Variants in FAM83F observed in about 807,000 individuals in gnomAD.
FAM83F encodes scaffolding CK1 anchoring protein F, also known as protein FAM83F.
FAM83F carries 45 observed loss-of-function variants against 42.9 expected under a neutral mutation model. The observed-to-expected ratio is 1.05, with a 90% CI of 0.83 to 1.35. FAM83F has a LOEUF of 1.35. Ranked by LOEUF, FAM83F falls within the 40% of genes most tolerant of loss-of-function variation. The probability of loss-of-function intolerance (pLI) is 0.00; values close to 1 mark genes in which losing one functional copy is unlikely to be tolerated. For missense variants in FAM83F, 617 were observed against 695.9 expected (o/e 0.89, Z 1.28); for synonymous variants, 306 against 298.3 (o/e 1.03, Z -0.27).
Position 40,030,694 on chromosome 22 carries a change from G to C in FAM83F, c.*1129G>C, listed in dbSNP as rs944751342. 2 of 152,342 alleles carry C rather than the reference G, an allele frequency of 1.3e-5. No homozygotes were observed. Among genetic ancestry groups the C allele is most frequent in the African/African-American group, 2.4e-5 (1 of 41,462 alleles). The allele number at this position is 152,342 out of a possible 1,614,324, so 9.4% of individuals were successfully genotyped here. A position where few individuals can be genotyped will look rare whatever the true frequency, so the allele number is the denominator to read the frequency against. On this transcript the variant is annotated 3_prime_UTR_variant, in exon 5 of 5. Coordinates refer to ENST00000333407, the MANE Select transcript of FAM83F (RefSeq NM_138435.4). ...CCCACTTGGGTGACTGGAGAGGGCC[G>C]AGGAGAGTTTGTGAATGGACCTGGG...
At position 40,035,628 on chromosome 22, in the gene FAM83F, A is replaced by C. The variant is rs986425683; in HGVS notation, c.*6063A>C. 1 of 152,258 alleles carries C rather than the reference A, an allele frequency of 6.6e-6. No individual in the cohort carries two copies. The highest frequency in any genetic ancestry group is 2.4e-5 in the African/African-American group (1 of 41,464). The allele number at this position is 152,258 out of a possible 1,614,324, so 9.4% of individuals were successfully genotyped here. ...CATGACCTTGGCGGGGGCGCATGGC[A>C]TAGAGAGGACAGGCTTCAGAACAGG... On this transcript the variant is annotated 3_prime_UTR_variant, in exon 5 of 5. Transcript: ENST00000333407.
intron 1 of FAM83F, among the ~76,000 whole-genome samples, chr22:39,998,258 G>A (rs796571329): frequency 2.0e-5 from 3 of 152,276 alleles, no homozygotes; most frequent in African/African-American, 7.2e-5. Context: ...CAGGGACACG[G>A]GGGAACTGCC....
chr22:40,035,070 A>G lies in FAM83F; in HGVS notation c.*5505A>G, dbSNP rs779034621. On this transcript the variant is annotated 3_prime_UTR_variant, in exon 5 of 5. Coordinates refer to ENST00000333407, the MANE Select transcript of FAM83F (RefSeq NM_138435.4). The stretch of plus-strand genomic sequence containing the variant: ...GAGGAAATTTGTCCAAAGTCACCCA[A>G]TGAGTCGCAGGAAGGGCTAGAATCT... 1.3e-5 allele frequency: 2 copies of G among 152,230 alleles called. No individual in the cohort carries two copies. The highest frequency in any genetic ancestry group is 4.8e-5 in the African/African-American group (2 of 41,448). The allele number at this position is 152,230 out of a possible 1,614,324, so 9.4% of individuals were successfully genotyped here.
At chr22:40,020,923 T>C (rs896270499) in intron 3 of FAM83F, among the ~76,000 whole-genome samples, 2 of 152,228 alleles carry the variant, frequency 1.3e-5, no homozygotes, top group African/African-American at 4.8e-5. Flanking sequence ...AATGTGTGTT[T>C]GTGCCAGGGA....
At position 40,029,784 on chromosome 22, in the gene FAM83F, G is replaced by A. The variant is rs2067576536; in HGVS notation, c.*219G>A. Reference sequence around the variant, plus strand: ...CACCGGACTGTCGGTGGCTGGGCAGGGGTCAGTGCCACGGCCTCCTTGTTT... The same window carrying A: ...CACCGGACTGTCGGTGGCTGGGCAGAGGTCAGTGCCACGGCCTCCTTGTTT... On this transcript the variant is annotated 3_prime_UTR_variant, in exon 5 of 5. Transcript: ENST00000333407. 1.6e-6 allele frequency: 1 copy of A among 609,766 alleles called. No individual in the cohort carries two copies. 37.8% of individuals were successfully genotyped at this position (609,766 alleles called of 1,614,324 possible). A position where few individuals can be genotyped will look rare whatever the true frequency, so the allele number is the denominator to read the frequency against.
At chr22:40,010,670 A>G (rs1601766295) in intron 1 of FAM83F, among the ~76,000 whole-genome samples, 1 of 152,210 alleles carries the variant, frequency 6.6e-6, no homozygotes, top group Admixed American at 6.5e-5. Flanking sequence ...AAACCGGTCA[A>G]GCTGTCCTCA....
chr22:39,997,648 C>A (rs1297967963), intron 1 of FAM83F, among the ~76,000 whole-genome samples: 2 of 152,236 alleles, frequency 1.3e-5, no homozygotes, highest in East Asian at 3.9e-4. Flanking sequence ...AGAGGGTCAA[C>A]TGGAATGGGC....
chr22:40,029,361 T>TATTG (rs1274971041), intron 4 of FAM83F, among the ~76,000 whole-genome samples, 155 bp from the exon 5 acceptor site: 1 of 152,106 alleles, frequency 6.6e-6, no homozygotes, highest in African/African-American at 2.4e-5. Context: ...CCGGGTGCCC[T>TATTG]ATTGACTTGG....
chr22:40,010,545 A>T (rs1411075116), intron 1 of FAM83F, among the ~76,000 whole-genome samples: 1 of 152,108 alleles, frequency 6.6e-6, no homozygotes, highest in Non-Finnish European at 1.5e-5. Context: ...GGCTGTGGGG[A>T]CTGCTGCCTC....
intron 4 of FAM83F, 100 bp downstream of exon 4, chr22:40,022,063 T>A: frequency 9.3e-7 from 1 of 1,073,914 alleles, no homozygotes; most frequent in Non-Finnish European, 1.3e-6. Flanking sequence ...TGCAGAGGAG[T>A]AGATTCCATC....
intron 1 of FAM83F, among the ~76,000 whole-genome samples, chr22:40,012,964 T>C (rs1392758327): frequency 1.3e-5 from 2 of 149,118 alleles, no homozygotes; most frequent in Non-Finnish European, 3.0e-5. Flanking sequence ...GCACCTGTAG[T>C]CCCAGCTACT....
intron 1 of FAM83F, among the ~76,000 whole-genome samples, chr22:39,996,886 G>T (rs1167579729): frequency 6.6e-6 from 1 of 152,218 alleles, no homozygotes; most frequent in African/African-American, 2.4e-5. Context: ...ATTGGACACA[G>T]AAGAGGGAAA....
In FAM83F at chr22:40,043,039, C is replaced by G. The variant is rs1209071937; in HGVS notation, c.*13474C>G. On this transcript the variant is annotated 3_prime_UTR_variant, in exon 5 of 5. Transcript: ENST00000333407. Reference sequence around the variant, plus strand: ...CTTTCTTCTGTCCTTCTTGCAGTTGCCCTAGGAATACATGCCACTTACTCT... The same window carrying G: ...CTTTCTTCTGTCCTTCTTGCAGTTGGCCTAGGAATACATGCCACTTACTCT... 1 of 152,122 alleles carries G rather than the reference C, an allele frequency of 6.6e-6. No homozygotes were observed. The highest frequency in any genetic ancestry group is 1.5e-5 in the Non-Finnish European group (1 of 68,024). 9.4% of individuals were successfully genotyped at this position (152,122 alleles called of 1,614,324 possible). A position where few individuals can be genotyped will look rare whatever the true frequency, so the allele number is the denominator to read the frequency against.
At chr22:40,008,236 G>A (rs1032317827) in intron 1 of FAM83F, among the ~76,000 whole-genome samples, 3 of 152,258 alleles carry the variant, frequency 2.0e-5, no homozygotes, top group Non-Finnish European at 4.4e-5. Flanking sequence ...TCCCCACCTT[G>A]ATGTCTGTGC....
chr22:40,004,601 C>G lies in FAM83F; in HGVS notation c.489+9070C>G, dbSNP rs2145709662. Among the ~76,000 whole-genome samples the G allele has an allele frequency of 2.6e-5, 4 of 152,248 alleles. No individual in the cohort carries two copies. The Middle Eastern group carries it at 0.014, about 518-fold the overall frequency. ...TACAGGTGTGAGCCACCGCACCCAGCTAATTTTTTATTTTTAGTAGAGATG... is the reference window on the plus strand; with the variant it reads ...TACAGGTGTGAGCCACCGCACCCAGGTAATTTTTTATTTTTAGTAGAGATG... On this transcript the variant is annotated intron_variant, in intron 1 of 4. Coordinates refer to ENST00000333407, the MANE Select transcript of FAM83F (RefSeq NM_138435.4).
rs373182714 is a variant in FAM83F, at chr22:39,995,990, G to A, written c.489+459G>A. The stretch of plus-strand genomic sequence containing the variant: ...ACCTTCCCGGTCCCACCTCTGCCAT[G>A]CTGCTCCTTGGACCACCCCTCTCCT... On this transcript the variant is annotated intron_variant, in intron 1 of 4. Coordinates refer to ENST00000333407, the MANE Select transcript of FAM83F (RefSeq NM_138435.4). The surrounding 1 kb of genome is among the most constrained non-coding windows in gnomAD (Gnocchi z 4.6). 9.5e-4 allele frequency among the ~76,000 whole-genome samples: 144 copies of A among 152,314 alleles called. 1 individual carries two copies. The South Asian group carries it at 0.019, about 20-fold the overall frequency.
chr22:40,019,422 C>G, intron 2 of FAM83F, 87 bp downstream of exon 2: 1 of 1,293,288 alleles, frequency 7.7e-7, no homozygotes, highest in Non-Finnish European at 1.1e-6. Context: ...CCTGCCTCTT[C>G]CCTGAATGGG....
At chr22:40,029,395 G>A in intron 4 of FAM83F, 121 bp from the exon 5 acceptor site, 1 of 1,354,186 alleles carries the variant, frequency 7.4e-7, no homozygotes, top group Non-Finnish European at 1.0e-6. Flanking sequence ...AGCTTGGGAG[G>A]GAGACAGTGA....
chr22:40,015,163 G>C (rs150856679), intron 1 of FAM83F, among the ~76,000 whole-genome samples: 6 of 152,248 alleles, frequency 3.9e-5, no homozygotes, highest in African/African-American at 1.2e-4. Flanking sequence ...ATGGAGATGC[G>C]AGGCCAAAGC....
Sources: gnomAD v4.1 joint callset for allele counts (sites outside exome capture counted in the v4.1 genomes callset) on GRCh38, gnomAD v4.1.1 for gene constraint, Gnocchi (gnomAD v3.1) non-coding constraint, MANE v1.5 for transcripts, NCBI Gene and HGNC (gene_info 2026-07-23, HGNC 2026-07-21) for gene names.